TTYH3: variants seen among roughly 807,000 people sequenced by gnomAD.
TTYH3 encodes protein tweety homolog 3.
Under a neutral mutation model 68.2 loss-of-function variants are expected in TTYH3, and 23 were observed. The observed-to-expected ratio is 0.34, with a 90% CI of 0.24 to 0.48. The LOEUF is 0.48. Among genes scored for constraint, TTYH3 ranks in the 20% least tolerant of loss-of-function variants. The pLI, the probability that TTYH3 is intolerant of heterozygous loss-of-function variation, is 0.99. For missense variants in TTYH3, 768 were observed against 727.7 expected, an observed-to-expected ratio of 1.06 and a Z score of -0.64; for synonymous variants, 360 against 332.8, an observed-to-expected ratio of 1.08 and a Z score of -0.89.
At chr7:2,656,318 C>CCCCCA (rs1786332820) in intron 10 of TTYH3, 80 bp from the exon 11 acceptor site, 1 of 1,573,314 alleles carries the variant, frequency 6.4e-7, no homozygotes, top group Admixed American at 1.7e-5. Context: ...TCCAGGCCGC[C>CCCCCA]GTGGCTGGGC....
chr7:2,648,708 C>A (rs1324895155), intron 5 of TTYH3, among the ~76,000 whole-genome samples: 1 of 152,020 alleles, frequency 6.6e-6, no homozygotes, highest in Non-Finnish European at 1.5e-5. Context: ...GGTGATAGCA[C>A]CCTGGAGAGG....
At chr7:2,660,612 G>C in intron 13 of TTYH3, 2 of 939,326 alleles carry the variant, frequency 2.1e-6, no homozygotes, top group Non-Finnish European at 2.5e-6. Context: ...GTGGAATGAC[G>C]AGGCTCCGGG....
chr7:2,647,210 C>A lies in TTYH3; in HGVS notation c.362C>A (p.Ser121Ter). 1 of 1,603,284 alleles carries A rather than the reference C, an allele frequency of 6.2e-7. No homozygotes were observed. The change falls in exon 3 of 14, where the codon TCG becomes TAG. Residue 121 changes from serine to a stop codon, truncating the protein, a stop_gained. Coordinates refer to ENST00000258796, the MANE Select transcript of TTYH3 (RefSeq NM_025250.3). LOFTEE classifies it high-confidence loss of function. ...GATGGCATCCATAGGGCCACCTACT[C>A]GCTCCGCCACGCCAACCGCACGGTG... ...TSDGIHRATY[S>*]LRHANRTVAG...
rs1276624304 is a variant in TTYH3 at position 2,646,995 on chromosome 7, G to A, written c.266G>A (p.Cys89Tyr). The A allele has an allele frequency of 6.3e-7, 1 of 1,586,076 alleles. No homozygotes were observed. Among genetic ancestry groups the A allele is most frequent in the Non-Finnish European group, 8.5e-7 (1 of 1,170,544 alleles). The change falls in exon 2 of 14, where the codon TGT (cysteine) becomes TAT (tyrosine). Residue 89 changes from cysteine to tyrosine, a missense_variant. Cys to Tyr is a radical substitution (Grantham distance 194). Coordinates refer to ENST00000258796, the MANE Select transcript of TTYH3 (RefSeq NM_025250.3). ...LDADCCCTAW[C>Y]VIIATLVCSA... ...GCCGACTGCTGCTGCACGGCCTGGT[G>A]TGTCATCATCGCCACGCTGGTGTGC...
At chr7:2,655,827 G>A (rs574475327) in intron 9 of TTYH3, among the ~76,000 whole-genome samples, 1 of 152,326 alleles carries the variant, frequency 6.6e-6, no homozygotes. Context: ...CTGTCTTCAC[G>A]TAGTGGCGAC....
In TTYH3 at chr7:2,661,761, C is replaced by T. The variant is rs1786504729; in HGVS notation, c.*22C>T. The T allele has an allele frequency of 6.2e-7, 1 of 1,602,756 alleles. No homozygotes were observed. Among genetic ancestry groups the T allele is most frequent in the Admixed American group, 1.7e-5 (1 of 59,330 alleles). ...CTAGACCGCGCCCGGCAGCCACCCA[C>T]CCCACGTGCCAACTTCCCCTCCCCG... On this transcript the variant is annotated 3_prime_UTR_variant, in exon 14 of 14. Transcript: ENST00000258796.
intron 1 of TTYH3, among the ~76,000 whole-genome samples, chr7:2,639,231 G>A (rs566813526): frequency 3.9e-5 from 6 of 152,312 alleles, no homozygotes; most frequent in East Asian, 3.9e-4. Context: ...ACGTCCTCCC[G>A]GAGCCCCGTG....
At position 2,662,147 on chromosome 7, in the gene TTYH3, G is replaced by A. The variant is rs1283235511; in HGVS notation, c.*408G>A. The A allele has an allele frequency of 2.7e-6, 1 of 370,896 alleles. No homozygotes were observed. The highest frequency in any genetic ancestry group is 5.1e-6 in the Non-Finnish European group (1 of 195,240). 23.0% of individuals were successfully genotyped at this position (370,896 alleles called of 1,614,324 possible). A position where few individuals can be genotyped will look rare whatever the true frequency, so the allele number is the denominator to read the frequency against. On this transcript the variant is annotated 3_prime_UTR_variant, in exon 14 of 14. Transcript: ENST00000258796. ...GACCCCTTCTTAGTTCACAGGCACG[G>A]CTGGGGCCGCTCTGTGCTGGCGCCT...
rs186968886 is a variant in TTYH3, at chr7:2,641,846, C to T, written c.124-5007C>T. ...GGCTCAGGCCTGGCGCGTTGGGTGC[C>T]GGGGCTCTGACGTGGGATGAAGCAG... On this transcript the variant is annotated intron_variant, in intron 1 of 13. Transcript: ENST00000258796. Among the ~76,000 whole-genome samples the T allele has an allele frequency of 4.5e-4, 69 of 152,332 alleles. 3 individuals are homozygous for T. The East Asian group carries it at 9.3e-3, about 20-fold the overall frequency.
Position 2,658,341 on chromosome 7 carries a change from G to A in TTYH3, c.1306G>A (p.Asp436Asn), listed in dbSNP as rs1278129909. The change falls in exon 12 of 14, where the codon GAC becomes AAC. Residue 436 changes from aspartate (D) to asparagine (N), a missense_variant. By Grantham distance (23) the Asp-to-Asn change is conservative. Transcript: ENST00000258796. ...CGCTCCAGGGCCGCGGCAGGCGCAC[G>A]ACAGCCTCTACCGCGTCCACATGCC... is the stretch of plus-strand genomic sequence containing the variant. ...EAAPGPRQAHDSLYRVHMPSL... is the reference protein window; with the variant it reads ...EAAPGPRQAHNSLYRVHMPSL... 7.5e-6 allele frequency: 12 copies of A among 1,606,900 alleles called. No individual in the cohort carries two copies. Among genetic ancestry groups the A allele is most frequent in the East Asian group, 6.7e-5 (3 of 44,624 alleles).
chr7:2,650,427 A>G (rs1271457868), intron 7 of TTYH3, among the ~76,000 whole-genome samples: 2 of 152,056 alleles, frequency 1.3e-5, no homozygotes, highest in East Asian at 1.9e-4. Context: ...AAAATACACA[A>G]ATGAGCTGGG....
In TTYH3 at chr7:2,632,268, A is replaced by T. The variant is rs749862817; in HGVS notation, c.113A>T (p.Asp38Val). The change falls in exon 1 of 14, where the codon GAC becomes GTC. Residue 38 changes from aspartate to valine, a missense_variant. Asp to Val is a radical substitution (Grantham distance 152). Transcript: ENST00000258796. ...TSSQFRPEDTDYQQALLLLGA... is the reference protein window; with the variant it reads ...TSSQFRPEDTVYQQALLLLGA... Reference sequence around the variant, plus strand: ...AGCCAGTTCCGGCCCGAGGACACCGACTACCAGCAGGTGACATGGGCCTCT... The same window carrying T: ...AGCCAGTTCCGGCCCGAGGACACCGTCTACCAGCAGGTGACATGGGCCTCT... The T allele has an allele frequency of 1.8e-5, 28 of 1,581,806 alleles. 1 individual carries two copies. The South Asian group carries it at 3.1e-4, about 17-fold the overall frequency.
intron 7 of TTYH3, 54 bp downstream of exon 7, chr7:2,650,042 C>T: frequency 6.3e-7 from 1 of 1,593,448 alleles, no homozygotes; most frequent in South Asian, 1.1e-5. Flanking sequence ...TTGGGCTGAG[C>T]CAAAAGAGTG....
chr7:2,640,145 G>A (rs1391078737), intron 1 of TTYH3, among the ~76,000 whole-genome samples: 1 of 152,242 alleles, frequency 6.6e-6, no homozygotes, highest in Non-Finnish European at 1.5e-5. Context: ...CGAGGAGCGA[G>A]CAGCCGTGGC....
chr7:2,650,432 G>A (rs543373582), intron 7 of TTYH3, among the ~76,000 whole-genome samples: 3 of 152,238 alleles, frequency 2.0e-5, no homozygotes, highest in Non-Finnish European at 2.9e-5. Context: ...ACACAAATGA[G>A]CTGGGTGTGG....
At chr7:2,633,407 C>G (rs1225659268) in intron 1 of TTYH3, among the ~76,000 whole-genome samples, 1 of 152,116 alleles carries the variant, frequency 6.6e-6, no homozygotes, top group Non-Finnish European at 1.5e-5. Context: ...TGGGAGCCCA[C>G]TGCTCCCAGC....
In TTYH3 at chr7:2,661,771, C is replaced by A; in HGVS notation, c.*32C>A. On this transcript the variant is annotated 3_prime_UTR_variant, in exon 14 of 14. Coordinates refer to ENST00000258796, the MANE Select transcript of TTYH3 (RefSeq NM_025250.3). ...CCCGGCAGCCACCCACCCCACGTGCCAACTTCCCCTCCCCGTGCCAGCACT... is the reference window on the plus strand; with the variant it reads ...CCCGGCAGCCACCCACCCCACGTGCAAACTTCCCCTCCCCGTGCCAGCACT... 6.3e-7 allele frequency: 1 copy of A among 1,596,110 alleles called. No homozygotes were observed. Among genetic ancestry groups the A allele is most frequent in the Non-Finnish European group, 8.5e-7 (1 of 1,173,350 alleles).
At chr7:2,647,919 G>A (rs199787055) in intron 4 of TTYH3, 40 bp from the exon 5 acceptor site, 101 of 1,597,164 alleles carry the variant, frequency 6.3e-5, no homozygotes, top group Non-Finnish European at 6.7e-5. Flanking sequence ...CCCAGGCCCC[G>A]GGTCCCTGTG....
chr7:2,633,654 C>T (rs10254690), intron 1 of TTYH3, among the ~76,000 whole-genome samples: 97,974 of 152,208 alleles, frequency 0.64, 32,663 homozygotes, highest in African/African-American at 0.81. Flanking sequence ...GATGGCTTTG[C>T]CACTTGTCCC....
Sources: gnomAD v4.1 joint callset for allele counts (sites outside exome capture counted in the v4.1 genomes callset) on GRCh38, gnomAD v4.1.1 for gene constraint, MANE v1.5 for transcripts, NCBI Gene and HGNC (gene_info 2026-07-23, HGNC 2026-07-21) for gene names.